Variants in NWD2 observed in about 807,000 individuals in gnomAD.
NWD2 encodes the protein NACHT and WD repeat domain containing 2.
Under a neutral mutation model 132.7 loss-of-function variants are expected in NWD2, and 37 were observed. The observed-to-expected ratio is 0.28, with a 90% CI of 0.21 to 0.37. The LOEUF is 0.37. Among genes scored for constraint, NWD2 ranks in the 10% least tolerant of loss-of-function variants. NWD2 has a pLI of 1.00. For missense variants in NWD2, 1,592 were observed against 2,122.4 expected (o/e 0.75, Z 4.91); for synonymous variants, 705 against 803.0 (o/e 0.88, Z 2.06).
chr4:37,371,075 T>TC (rs1187701554), intron 3 of NWD2, among the ~76,000 whole-genome samples: 8 of 100,678 alleles, frequency 7.9e-5, no homozygotes, highest in Non-Finnish European at 1.5e-4. Context: ...TTTTTTTCTT[T>TC]TTCTTTTTTT....
At chr4:37,304,191 AAGAG>A (rs937098613) in intron 1 of NWD2, among the ~76,000 whole-genome samples, 9 of 152,186 alleles carry the variant, frequency 5.9e-5, no homozygotes, top group African/African-American at 2.2e-4. Flanking sequence ...GAAAAGGAAG[AAGAG>A]AGAGAGAAGT....
chr4:37,352,697 A>G (rs1719794902), intron 2 of NWD2, among the ~76,000 whole-genome samples: 1 of 151,860 alleles, frequency 6.6e-6, no homozygotes, highest in Admixed American at 6.6e-5. Context: ...TTTGCTTTCC[A>G]TTTGCTTGGT....
At chr4:37,402,907 C>T (rs1006236137) in intron 3 of NWD2, among the ~76,000 whole-genome samples, 13 of 152,110 alleles carry the variant, frequency 8.5e-5, no homozygotes, top group Admixed American at 5.9e-4. Context: ...ATGTTTGATG[C>T]GTTGTTTTTC....
Position 37,444,006 on chromosome 4 carries a change from G to C in NWD2, c.2018G>C (p.Ser673Thr). ...GYITMAKMGLSEMELEDVLAL... is the reference protein window; with the variant it reads ...GYITMAKMGLTEMELEDVLAL... The stretch of plus-strand genomic sequence containing the variant: ...ATCACCATGGCCAAAATGGGTCTGA[G>C]TGAAATGGAACTGGAGGATGTGTTA... Residue 673 changes from serine to threonine, a missense_variant, in exon 7 of 7, where the codon AGT (serine) becomes ACT (threonine). Ser to Thr is a moderately conservative substitution (Grantham distance 58, BLOSUM62 1). Around this residue, in one of 7 missense-constraint regions of NWD2, gnomAD observed 1,071 missense variants for 1,398.0 expected, o/e 0.77. Transcript: ENST00000309447. This position sits in a 1 kb window ranked among gnomAD's most constrained non-coding sequence, Gnocchi z 4.8. The C allele has an allele frequency of 6.4e-7, 1 of 1,552,232 alleles. No homozygotes were observed. Among genetic ancestry groups the C allele is most frequent in the South Asian group, 1.2e-5 (1 of 84,062 alleles).
At position 37,444,670 on chromosome 4, in the gene NWD2, C is replaced by G; in HGVS notation, c.2682C>G (p.Asn894Lys). 2.1e-5 allele frequency: 32 copies of G among 1,552,242 alleles called. No homozygotes were observed. The highest frequency in any genetic ancestry group is 2.8e-5 in the Non-Finnish European group (32 of 1,147,120). ...AGAAGGAGCTGAAGTTCCTGGCCAA[C>G]ACCCTCCGCAGCATCAAAAACAAGG... ...SQEKELKFLA[N>K]TLRSIKNKVT... Residue 894 changes from asparagine (N) to lysine (K), a missense_variant, in exon 7 of 7, where the codon AAC becomes AAG. Physicochemically the swap from Asn to Lys is moderately conservative, Grantham distance 94 (BLOSUM62 0). Coordinates refer to ENST00000309447, the MANE Select transcript of NWD2 (RefSeq NM_001144990.2). The surrounding 1 kb of genome is among the most constrained non-coding windows in gnomAD (Gnocchi z 4.8).
At chr4:37,337,301 T>C (rs1000704680) in intron 2 of NWD2, among the ~76,000 whole-genome samples, 1 of 152,186 alleles carries the variant, frequency 6.6e-6, no homozygotes, top group East Asian at 1.9e-4. Flanking sequence ...AAAGTGTAGC[T>C]TTCAAAAGAA....
At chr4:37,298,575 A>C (rs1021403723) in intron 1 of NWD2, among the ~76,000 whole-genome samples, 1 of 152,060 alleles carries the variant, frequency 6.6e-6, no homozygotes, top group Non-Finnish European at 1.5e-5. Flanking sequence ...TAGGGTAGAG[A>C]GGTGAGTGGA....
rs147211933 is a variant in NWD2 at position 37,431,600 on chromosome 4, G to T, written c.561+825G>T. Among the ~76,000 whole-genome samples, 444 of 152,302 alleles carry T rather than the reference G, an allele frequency of 2.9e-3. 11 individuals are homozygous for T. The highest frequency in any genetic ancestry group is 3.5e-3 in the Non-Finnish European group (236 of 68,024). ...GTTAATTATAAACCTGAAATTGGCT[G>T]AGAGAGCAGATCTCAAGTGTTCTTA... On this transcript the variant is annotated intron_variant, in intron 4 of 6. Coordinates refer to ENST00000309447, the MANE Select transcript of NWD2 (RefSeq NM_001144990.2).
chr4:37,431,701 GTATAT>G (rs1201961014), intron 4 of NWD2, among the ~76,000 whole-genome samples: 1 of 152,136 alleles, frequency 6.6e-6, no homozygotes, highest in Non-Finnish European at 1.5e-5. Flanking sequence ...CCATTTCACA[GTATAT>G]ACATAGATCA....
intron 1 of NWD2, among the ~76,000 whole-genome samples, chr4:37,294,062 C>T (rs1034697792): frequency 2.0e-5 from 3 of 152,056 alleles, no homozygotes; most frequent in Admixed American, 2.0e-4. Flanking sequence ...GTCCCCACCC[C>T]CCTACTCCTT....
chr4:37,361,784 A>G (rs1266488577), intron 3 of NWD2, among the ~76,000 whole-genome samples: 4 of 152,274 alleles, frequency 2.6e-5, no homozygotes, highest in South Asian at 4.1e-4. Context: ...ACCCACTCTC[A>G]CCACTCCTAT....
chr4:37,306,364 G>T (rs1238259199), intron 1 of NWD2, among the ~76,000 whole-genome samples: 1 of 151,930 alleles, frequency 6.6e-6, no homozygotes, highest in Non-Finnish European at 1.5e-5. Flanking sequence ...CTAATGTGGG[G>T]TTTTGTTTTT....
At chr4:37,266,971 C>A (rs929206236) in intron 1 of NWD2, among the ~76,000 whole-genome samples, 1 of 151,908 alleles carries the variant, frequency 6.6e-6, no homozygotes, top group Non-Finnish European at 1.5e-5. Context: ...AAATTAAGTG[C>A]ACTATGGAGT....
At chr4:37,361,740 G>A (rs2109302506) in intron 3 of NWD2, among the ~76,000 whole-genome samples, 1 of 152,304 alleles carries the variant, frequency 6.6e-6, no homozygotes, top group Non-Finnish European at 1.5e-5. Context: ...AGAACTGGAA[G>A]CATTCCCCTT....
intron 3 of NWD2, among the ~76,000 whole-genome samples, chr4:37,427,210 T>G (rs995979026): frequency 1.7e-4 from 26 of 152,186 alleles, no homozygotes; most frequent in African/African-American, 6.3e-4. Context: ...GACATTCTCT[T>G]ATTCCCTATT....
chr4:37,397,856 T>C (rs1167844539), intron 3 of NWD2, among the ~76,000 whole-genome samples: 1 of 152,056 alleles, frequency 6.6e-6, no homozygotes, highest in Non-Finnish European at 1.5e-5. Context: ...ATTCTCTCTG[T>C]CCACTGCCTC....
intron 3 of NWD2, among the ~76,000 whole-genome samples, chr4:37,388,967 G>A (rs942571336): frequency 3.3e-5 from 5 of 151,386 alleles, no homozygotes; most frequent in Non-Finnish European, 7.4e-5. Flanking sequence ...AACATGGAGA[G>A]TTGATAAATA....
At chr4:37,383,501 G>A (rs1228648839) in intron 3 of NWD2, among the ~76,000 whole-genome samples, 3 of 152,086 alleles carry the variant, frequency 2.0e-5, no homozygotes, top group Admixed American at 2.0e-4. Context: ...TTATTGGCCT[G>A]TCTGTTCACA....
chr4:37,404,580 C>T (rs1203174372), intron 3 of NWD2, among the ~76,000 whole-genome samples: 3 of 152,142 alleles, frequency 2.0e-5, no homozygotes, highest in Non-Finnish European at 2.9e-5. Flanking sequence ...GCCCCATATC[C>T]CTCTTTCTGA....
Sources: allele counts gnomAD v4.1 joint callset (sites outside exome capture counted in the v4.1 genomes callset), GRCh38; gene constraint gnomAD v4.1.1; regional missense constraint gnomAD v4.1.1; non-coding constraint Gnocchi (gnomAD v3.1); transcripts MANE v1.5; gene names NCBI Gene and HGNC (gene_info 2026-07-23, HGNC 2026-07-21).